Variants in FHIT observed in about 807,000 individuals in gnomAD.
The protein encoded by FHIT is bis(5'-adenosyl)-triphosphatase.
Under a neutral mutation model 17.9 loss-of-function variants are expected in FHIT, and 19 were observed. That is an observed-to-expected ratio of 1.06 (90% CI 0.74 to 1.56). The LOEUF (loss-of-function observed/expected upper bound fraction) is 1.56, where lower values mean the gene tolerates loss of function less well. Among genes scored for constraint, FHIT ranks in the 40% most tolerant of loss-of-function variants. The pLI is 0.00. For missense variants in FHIT, 248 were observed against 189.2 expected (o/e 1.31, Z -1.82); for synonymous variants, 81 against 69.7 (o/e 1.16, Z -0.81).
At chr3:60,511,531 A>C in intron 5 of FHIT, among the ~76,000 whole-genome samples, 1 of 152,190 alleles carries the variant, frequency 6.6e-6, no homozygotes, top group East Asian at 1.9e-4. Flanking sequence ...GGGTCTTAGA[A>C]TAAATAGAAG....
At chr3:59,921,902 C>A (rs9311742) in intron 8 of FHIT, among the ~76,000 whole-genome samples, 75,865 of 152,024 alleles carry the variant, frequency 0.5, 19,189 homozygotes, top group Admixed American at 0.58. Flanking sequence ...TGATAATTTA[C>A]AGTTTCACTT....
chr3:60,291,834 T>G lies in FHIT; in HGVS notation c.103+245026A>C, dbSNP rs73836413. On this transcript the variant is annotated intron_variant, in intron 5 of 9. Transcript: ENST00000492590. ...AGATCACATGGAAAGAGAGGAAAGA[T>G]TGGAGCCAGAGTGCCACAGCCTAGG... 7.7e-3 allele frequency among the ~76,000 whole-genome samples: 1,179 copies of G among 152,132 alleles called. 16 individuals carry two copies. The highest frequency in any genetic ancestry group is 0.026 in the African/African-American group (1,095 of 41,532).
chr3:60,973,981 A>G (rs1334275669), intron 3 of FHIT, among the ~76,000 whole-genome samples: 2 of 152,228 alleles, frequency 1.3e-5, no homozygotes, highest in East Asian at 3.8e-4. Flanking sequence ...TTTATTATCC[A>G]GGGTGATGAA....
At chr3:60,997,775 TA>T (rs1014800657) in intron 3 of FHIT, among the ~76,000 whole-genome samples, 1 of 152,128 alleles carries the variant, frequency 6.6e-6, no homozygotes, top group Non-Finnish European at 1.5e-5. Flanking sequence ...AGTTTTCTCT[TA>T]AAAAAGATTA....
intron 5 of FHIT, among the ~76,000 whole-genome samples, chr3:60,288,263 C>T (rs1012337118): frequency 5.9e-5 from 9 of 152,204 alleles, no homozygotes; most frequent in Admixed American, 3.3e-4. Flanking sequence ...ACTCTGAAGA[C>T]GCACACTGTT....
intron 5 of FHIT, among the ~76,000 whole-genome samples, chr3:60,174,406 G>A (rs911672150): frequency 2.0e-5 from 3 of 152,032 alleles, no homozygotes; most frequent in Admixed American, 2.0e-4. Context: ...CTCCTGGACT[G>A]TAAGATTTTG....
At chr3:60,947,726 A>G (rs1553776072) in intron 3 of FHIT, among the ~76,000 whole-genome samples, 1 of 152,344 alleles carries the variant, frequency 6.6e-6, no homozygotes, top group South Asian at 2.1e-4. Context: ...ACAAGCAACA[A>G]CTGTCCATCT....
At chr3:60,454,893 C>T (rs535838358) in intron 5 of FHIT, among the ~76,000 whole-genome samples, 16 of 151,794 alleles carry the variant, frequency 1.1e-4, no homozygotes, top group South Asian at 6.2e-4. Flanking sequence ...AAGTCACTTA[C>T]GCAAGTTTTA....
rs147154855 is a variant in FHIT at position 60,258,033 on chromosome 3, T to C, written c.104-243881A>G. Among the ~76,000 whole-genome samples the C allele has an allele frequency of 7.1e-3, 1,067 of 150,356 alleles. 11 individuals carry two copies. The highest frequency in any genetic ancestry group is 0.024 in the African/African-American group (990 of 40,780). On this transcript the variant is annotated intron_variant, in intron 5 of 9. Transcript: ENST00000492590. Reference sequence around the variant, plus strand: ...TGTAACAAACCTGCAATCCTGCACATGTAACCCTGAACTTAAAAGTTGGAA... The same window carrying C: ...TGTAACAAACCTGCAATCCTGCACACGTAACCCTGAACTTAAAAGTTGGAA...
chr3:60,973,065 A>T (rs1710088417), intron 3 of FHIT, among the ~76,000 whole-genome samples: 1 of 152,028 alleles, frequency 6.6e-6, no homozygotes, highest in Non-Finnish European at 1.5e-5. Flanking sequence ...TTCTGTCTTG[A>T]TTATTGGCCA....
At chr3:61,020,473 C>A (rs1299518863) in intron 3 of FHIT, among the ~76,000 whole-genome samples, 2 of 152,004 alleles carry the variant, frequency 1.3e-5, no homozygotes, top group East Asian at 3.9e-4. Flanking sequence ...AAGATTTTCT[C>A]CCATTCTGTA....
intron 4 of FHIT, among the ~76,000 whole-genome samples, chr3:60,553,150 ACAT>A (rs1264046709): frequency 6.6e-5 from 10 of 152,100 alleles, no homozygotes; most frequent in Non-Finnish European, 1.3e-4. Context: ...TAATATGTAG[ACAT>A]CATCTTTATT....
chr3:59,886,027 T>A (rs1703609480), intron 8 of FHIT, among the ~76,000 whole-genome samples: 1 of 152,196 alleles, frequency 6.6e-6, no homozygotes, highest in Non-Finnish European at 1.5e-5. Context: ...GGAACACCAT[T>A]CCATTGGGCA....
intron 5 of FHIT, among the ~76,000 whole-genome samples, chr3:60,029,029 ACTCT>A (rs993832965): frequency 3.9e-5 from 6 of 152,008 alleles, no homozygotes; most frequent in Admixed American, 1.3e-4. Flanking sequence ...TGTTCAAGAG[ACTCT>A]CAATAAGTGA....
intron 7 of FHIT, among the ~76,000 whole-genome samples, chr3:59,925,893 A>G (rs1026075661): frequency 2.0e-5 from 3 of 152,236 alleles, no homozygotes; most frequent in African/African-American, 7.2e-5. Context: ...ATGGACTTCT[A>G]ATAGAATGAC....
intron 8 of FHIT, among the ~76,000 whole-genome samples, chr3:59,872,202 T>G (rs539121645): frequency 6.6e-5 from 10 of 152,132 alleles, no homozygotes; most frequent in Non-Finnish European, 1.0e-4. Context: ...AGAAGGAGGT[T>G]AGGATCTTGG....
chr3:61,061,396 A>AAT (rs779036787), intron 2 of FHIT, among the ~76,000 whole-genome samples: 3 of 151,858 alleles, frequency 2.0e-5, no homozygotes, highest in East Asian at 1.9e-4. Context: ...TCACTTTTTA[A>AAT]ATATATATAT....
At chr3:60,255,357 A>G (rs1705933356) in intron 5 of FHIT, among the ~76,000 whole-genome samples, 2 of 152,152 alleles carry the variant, frequency 1.3e-5, no homozygotes. Context: ...AACCTTCGAC[A>G]ATAACTGCAC....
chr3:60,031,870 TA>T (rs1370231308), intron 5 of FHIT, among the ~76,000 whole-genome samples: 1 of 152,202 alleles, frequency 6.6e-6, no homozygotes, highest in Non-Finnish European at 1.5e-5. Context: ...TAAAATTTTG[TA>T]TCTTATTAAA....
Sources: gnomAD v4.1 joint callset for allele counts (sites outside exome capture counted in the v4.1 genomes callset) on GRCh38, gnomAD v4.1.1 for gene constraint, MANE v1.5 for transcripts, NCBI Gene and HGNC (gene_info 2026-07-23, HGNC 2026-07-21) for gene names.